NBEAL1: variants seen among roughly 807,000 people sequenced by gnomAD.
NBEAL1 encodes neurobeachin like 1.
A neutral mutation model predicts 351.3 loss-of-function variants in NBEAL1; 273 were observed. The ratio of observed to expected loss-of-function variants is 0.78; its 90% confidence interval spans 0.70 to 0.86. The LOEUF is 0.86. NBEAL1 is among the 40% of genes least tolerant of loss of function. The pLI is 0.00. For missense variants in NBEAL1, 2,961 were observed against 3,201.3 expected (o/e 0.92, Z 1.81); for synonymous variants, 1,050 against 1,086.4 (o/e 0.97, Z 0.66).
At position 203,116,070 on chromosome 2, in the gene NBEAL1, G is replaced by C; in HGVS notation, c.2592G>C (p.Lys864Asn). Reference protein sequence around the residue: ...PGNILLYYTAKACKNSICLDL... With the variant: ...PGNILLYYTANACKNSICLDL... ...ACATCCTTCTTTACTACACAGCAAA[G>C]GTCAGAGTAAATTTGTGAACTGTCC... The change falls in exon 18 of 56, where the codon AAG (lysine) becomes AAC (asparagine). Residue 864 changes from lysine (K) to asparagine (N), a missense_variant and splice_region_variant. Lys to Asn is a moderately conservative substitution (Grantham distance 94). Transcript: ENST00000683969. The C allele has an allele frequency of 6.4e-7, 1 of 1,550,666 alleles. No individual in the cohort carries two copies. Among genetic ancestry groups the C allele is most frequent in the Non-Finnish European group, 8.7e-7 (1 of 1,145,262 alleles).
chr2:203,138,399 G>A, intron 30 of NBEAL1, 84 bp downstream of exon 30: 1 of 1,261,626 alleles, frequency 7.9e-7, no homozygotes, highest in Non-Finnish European at 1.1e-6. Context: ...TCTTTTTAGA[G>A]CGTTAATGCT....
At chr2:203,015,541 G>A (rs1230805481) in intron 1 of NBEAL1, among the ~76,000 whole-genome samples, 3 of 151,838 alleles carry the variant, frequency 2.0e-5, no homozygotes, top group African/African-American at 7.3e-5. Flanking sequence ...GCTCACTGCA[G>A]CCTCTGCCTC....
chr2:203,107,453 A>G lies in NBEAL1; in HGVS notation c.1303A>G (p.Met435Val), dbSNP rs1195504736. Reference protein sequence around the residue: ...VFKERIGYTHMLEVLKSLGQP... With the variant: ...VFKERIGYTHVLEVLKSLGQP... Reference sequence around the variant, plus strand: ...TAAAGAAAGAATTGGTTATACACATATGCTTGAAGTATTAAAATCCCTGGG... The same window carrying G: ...TAAAGAAAGAATTGGTTATACACATGTGCTTGAAGTATTAAAATCCCTGGG... Residue 435 changes from methionine (M) to valine (V), a missense_variant, in exon 13 of 56, where the codon ATG (methionine) becomes GTG (valine). Physicochemically the swap from Met to Val is conservative, Grantham distance 21. Transcript: ENST00000683969. The G allele has an allele frequency of 2.6e-6, 4 of 1,550,302 alleles. No homozygotes were observed. The highest frequency in any genetic ancestry group is 3.5e-6 in the Non-Finnish European group (4 of 1,145,480).
chr2:203,185,324 A>G (rs1183704525), intron 44 of NBEAL1, among the ~76,000 whole-genome samples: 1 of 152,194 alleles, frequency 6.6e-6, no homozygotes, highest in Non-Finnish European at 1.5e-5. Context: ...AGAATTATAT[A>G]TTTCAATTAT....
chr2:203,030,352 A>C (rs1363636084), intron 2 of NBEAL1, among the ~76,000 whole-genome samples: 1 of 152,188 alleles, frequency 6.6e-6, no homozygotes, highest in Non-Finnish European at 1.5e-5. Flanking sequence ...TTTTGTTTTC[A>C]TGGCCTTGTA....
At chr2:203,204,091 A>G (rs1382755241) in intron 51 of NBEAL1, among the ~76,000 whole-genome samples, 1 of 151,056 alleles carries the variant, frequency 6.6e-6, no homozygotes, top group East Asian at 2.0e-4. Flanking sequence ...ACCATGCCCA[A>G]CTAATTTTTG....
chr2:203,088,619 A>G (rs2062010193), intron 10 of NBEAL1, among the ~76,000 whole-genome samples: 3 of 152,158 alleles, frequency 2.0e-5, no homozygotes, highest in Non-Finnish European at 2.9e-5. Flanking sequence ...CCACTTTGAC[A>G]TAAGTTTCTT....
chr2:203,134,905 A>G (rs1017347522), intron 27 of NBEAL1, among the ~76,000 whole-genome samples: 2 of 152,074 alleles, frequency 1.3e-5, no homozygotes, highest in African/African-American at 4.8e-5. Context: ...AAAAGCAACC[A>G]TGGCTCATGC....
chr2:203,197,154 T>C (rs1024070217), intron 47 of NBEAL1, 148 bp from the exon 48 acceptor site: 1 of 504,770 alleles, frequency 2.0e-6, no homozygotes, highest in African/African-American at 1.9e-5. Flanking sequence ...ATAATTCCTT[T>C]CCTTCATTTT....
At chr2:203,193,232 G>A (rs1215050654) in intron 46 of NBEAL1, among the ~76,000 whole-genome samples, 3 of 151,818 alleles carry the variant, frequency 2.0e-5, no homozygotes, top group East Asian at 3.9e-4. Flanking sequence ...TCAGCCTCCC[G>A]AAGTGCTAGG....
At chr2:203,121,701 A>T (rs115531703) in intron 18 of NBEAL1, among the ~76,000 whole-genome samples, 1 of 150,222 alleles carries the variant, frequency 6.7e-6, no homozygotes, top group African/African-American at 2.4e-5. Context: ...AGTTCTGCCT[A>T]TAGCTCATCT....
At position 203,107,631 on chromosome 2, in the gene NBEAL1, A is replaced by G; in HGVS notation, c.1392A>G (p.Ser464=). The change falls in exon 14 of 56, where the codon TCA becomes TCG. Residue 464 remains serine, a synonymous_variant. Transcript: ENST00000683969. ...AGGCTGTAGAGGGTGACCACACTTC[A>G]GTTGGGATTTTGGGCATTAGTAATG... is the stretch of plus-strand genomic sequence containing the variant. ...MNMAVEGDHT[S]VGILGISNVQ... 1.9e-6 allele frequency: 3 copies of G among 1,552,138 alleles called. No individual in the cohort carries two copies. The highest frequency in any genetic ancestry group is 2.6e-6 in the Non-Finnish European group (3 of 1,147,006).
Position 203,126,931 on chromosome 2 carries a change from G to C in NBEAL1, c.3248+5G>C. 2.0e-6 allele frequency: 3 copies of C among 1,519,768 alleles called. No homozygotes were observed. The highest frequency in any genetic ancestry group is 2.7e-6 in the Non-Finnish European group (3 of 1,119,060). The allele number at this position is 1,519,768 out of a possible 1,614,324, so 94.1% of individuals were successfully genotyped here. ...TACACTTAGGATTTATTATGGGTAT[G>C]ATGCCCTTGTTCTTTCTCAGTTTGA... On this transcript the variant is annotated splice_donor_5th_base_variant and intron_variant, in intron 23 of 55. Transcript: ENST00000683969.
intron 14 of NBEAL1, among the ~76,000 whole-genome samples, chr2:203,108,908 G>A (rs2062500399): frequency 6.6e-6 from 1 of 152,112 alleles, no homozygotes; most frequent in Non-Finnish European, 1.5e-5. Context: ...TTAGCCAGGT[G>A]TGGTGGCACA....
chr2:203,030,428 C>G (rs2060931818), intron 2 of NBEAL1, among the ~76,000 whole-genome samples: 2 of 152,108 alleles, frequency 1.3e-5, no homozygotes, highest in Admixed American at 6.6e-5. Flanking sequence ...TACTGAACTT[C>G]TAGATTCCCC....
rs547116142 is a variant in NBEAL1 at position 203,188,605 on chromosome 2, C to G, written c.6823+16C>G. ...AGTTATGAAGGTATAAATCTATACA[C>G]TTTTTCTCTTGCTTTACCTTGATAG... is the stretch of plus-strand genomic sequence containing the variant. On this transcript the variant is annotated intron_variant, in intron 45 of 55. Coordinates refer to ENST00000683969, the MANE Select transcript of NBEAL1 (RefSeq NM_001378026.1). The G allele has an allele frequency of 6.4e-6, 9 of 1,407,170 alleles. No homozygotes were observed. In the East Asian group the frequency reaches 2.1e-4, roughly 32 times the overall value. The allele number at this position is 1,407,170 out of a possible 1,614,324, so 87.2% of individuals were successfully genotyped here.
At chr2:203,056,991 T>C (rs2061414204) in intron 5 of NBEAL1, among the ~76,000 whole-genome samples, 1 of 152,258 alleles carries the variant, frequency 6.6e-6, no homozygotes, top group African/African-American at 2.4e-5. Flanking sequence ...ATTACCTAAA[T>C]ATAGACAAGT....
In NBEAL1 at chr2:203,099,528, T is replaced by G. The variant is rs563298531; in HGVS notation, c.1186-101T>G. On this transcript the variant is annotated intron_variant, in intron 11 of 55. Transcript: ENST00000683969. ...ATCAGAAGAGGAATGTAATGCATGT[T>G]AAGTAATTATTTTTTCAGGTTTTCA... 44 of 678,320 alleles carry G rather than the reference T, an allele frequency of 6.5e-5. No individual in the cohort carries two copies. The African/African-American group carries it at 7.1e-4, about 11-fold the overall frequency. The allele number at this position is 678,320 out of a possible 1,614,324, so 42.0% of individuals were successfully genotyped here. A position where few individuals can be genotyped will look rare whatever the true frequency, so the allele number is the denominator to read the frequency against.
At chr2:203,213,802 A>G in intron 55 of NBEAL1, 149 bp downstream of exon 55, 1 of 1,482,752 alleles carries the variant, frequency 6.7e-7, no homozygotes, top group East Asian at 2.4e-5. Context: ...TAAAAACAGG[A>G]TAAAGCTGTT....
Sources: gnomAD v4.1 joint callset for allele counts (sites outside exome capture counted in the v4.1 genomes callset) on GRCh38, gnomAD v4.1.1 for gene constraint, MANE v1.5 for transcripts, NCBI Gene and HGNC (gene_info 2026-07-23, HGNC 2026-07-21) for gene names.